SLC9B1: variants seen among roughly 807,000 people sequenced by gnomAD.
The protein encoded by SLC9B1 is sodium/hydrogen exchanger 9B1.
A neutral mutation model predicts 51.7 loss-of-function variants in SLC9B1; 32 were observed. The observed-to-expected ratio is 0.62, with a 90% CI of 0.47 to 0.83. The LOEUF is 0.83. SLC9B1 is among the 40% of genes least tolerant of loss of function. The pLI, the probability that SLC9B1 is intolerant of heterozygous loss-of-function variation, is 0.00. For synonymous variants in SLC9B1, 145 were observed against 212.7 expected (o/e 0.68, Z 2.77); for missense variants, 406 against 613.2 (o/e 0.66, Z 3.57).
intron 6 of SLC9B1, among the ~76,000 whole-genome samples, chr4:102,937,906 T>C (rs1466835846): frequency 6.6e-6 from 1 of 152,106 alleles, no homozygotes; most frequent in Non-Finnish European, 1.5e-5. Flanking sequence ...GGACTGTTAA[T>C]GGCCACCACA....
chr4:102,907,767 CTG>C (rs1401422198), intron 9 of SLC9B1, among the ~76,000 whole-genome samples: 1 of 152,092 alleles, frequency 6.6e-6, no homozygotes, highest in African/African-American at 2.4e-5. Flanking sequence ...TCCCTTATGA[CTG>C]TGTTTTCTGA....
At chr4:102,906,719 CCT>C (rs1491354352) in intron 9 of SLC9B1, 75 bp from the exon 10 acceptor site, 1,143 of 874,798 alleles carry the variant, frequency 1.3e-3, no homozygotes, top group East Asian at 1.5e-3. Flanking sequence ...TCTTCCCCCC[CCT>C]TTTTTTTTTC....
chr4:103,015,419 T>C (rs770298848), intron 1 of SLC9B1, among the ~76,000 whole-genome samples: 6 of 152,126 alleles, frequency 3.9e-5, no homozygotes, highest in Non-Finnish European at 7.3e-5. Flanking sequence ...TCAAGATATC[T>C]GGGCTCAAAT....
intron 7 of SLC9B1, among the ~76,000 whole-genome samples, chr4:102,919,561 A>G (rs1469153048): frequency 1.3e-5 from 2 of 151,810 alleles, no homozygotes; most frequent in African/African-American, 4.8e-5. Flanking sequence ...CTGGTTGGAG[A>G]GTGGGTGCAG....
chr4:103,004,606 A>G (rs1047973929), intron 1 of SLC9B1, among the ~76,000 whole-genome samples: 1 of 152,206 alleles, frequency 6.6e-6, no homozygotes, highest in Admixed American at 6.5e-5. Flanking sequence ...ACTATACACA[A>G]TGACCATCCC....
intron 1 of SLC9B1, among the ~76,000 whole-genome samples, chr4:103,012,147 T>C (rs936582516): frequency 2.6e-5 from 4 of 152,230 alleles, no homozygotes; most frequent in Non-Finnish European, 5.9e-5. Context: ...TCCAGTATCA[T>C]AAACAGTCAA....
At chr4:102,892,685 C>G (rs1378489558) in intron 11 of SLC9B1, 1 of 152,132 alleles carries the variant, frequency 6.6e-6, no homozygotes, top group Non-Finnish European at 1.5e-5. Context: ...TAACACATTT[C>G]TGATCTCTAT....
At chr4:103,006,965 G>A (rs151337194) in intron 1 of SLC9B1, among the ~76,000 whole-genome samples, 86 of 152,276 alleles carry the variant, frequency 5.6e-4, no homozygotes, top group African/African-American at 2.0e-3. Flanking sequence ...AAATAGGCAT[G>A]AAGGAATATA....
At chr4:102,921,322 G>A (rs1431210845) in intron 7 of SLC9B1, among the ~76,000 whole-genome samples, 3 of 152,170 alleles carry the variant, frequency 2.0e-5, no homozygotes, top group Admixed American at 6.5e-5. Flanking sequence ...AGCTTCATAA[G>A]TGAAGGAGAA....
intron 3 of SLC9B1, among the ~76,000 whole-genome samples, chr4:102,978,797 G>A (rs76231327): frequency 0.15 from 22,903 of 152,028 alleles, 2,170 homozygotes; most frequent in East Asian, 0.21. Context: ...CATTTGACCC[G>A]GCAATCCCAT....
intron 3 of SLC9B1, among the ~76,000 whole-genome samples, chr4:102,975,058 T>C (rs1738980473): frequency 6.6e-6 from 1 of 152,200 alleles, no homozygotes; most frequent in Non-Finnish European, 1.5e-5. Context: ...GTTGGAATAT[T>C]GGCATGATCA....
At chr4:102,938,135 C>G (rs7676943) in intron 6 of SLC9B1, among the ~76,000 whole-genome samples, 83,217 of 151,994 alleles carry the variant, frequency 0.55, 23,357 homozygotes, top group African/African-American at 0.68. Context: ...AGACCCAGCT[C>G]ATATGCAACG....
intron 11 of SLC9B1, among the ~76,000 whole-genome samples, chr4:102,904,703 C>G (rs977567786): frequency 1.3e-5 from 2 of 151,468 alleles, no homozygotes; most frequent in African/African-American, 4.9e-5. Flanking sequence ...AAAAAAAGAC[C>G]AGGCGCAGTG....
chr4:102,991,936 A>G (rs545471513), intron 1 of SLC9B1, among the ~76,000 whole-genome samples: 48 of 152,156 alleles, frequency 3.2e-4, no homozygotes, highest in Non-Finnish European at 5.6e-4. Context: ...ATCATACAGA[A>G]ATGTAATATT....
intron 3 of SLC9B1, among the ~76,000 whole-genome samples, chr4:102,959,007 G>A (rs1737946782): frequency 6.6e-6 from 1 of 151,452 alleles, no homozygotes; most frequent in African/African-American, 2.4e-5. Context: ...TGTAAGAAAA[G>A]AAAAACAAAA....
At chr4:102,991,856 C>T (rs1560523460) in intron 1 of SLC9B1, 144 bp from the exon 2 acceptor site, 1 of 530,620 alleles carries the variant, frequency 1.9e-6, no homozygotes, top group Non-Finnish European at 3.3e-6. Context: ...TCTTTATAGT[C>T]AACATAGATC....
intron 6 of SLC9B1, among the ~76,000 whole-genome samples, chr4:102,942,892 C>T (rs1476848650): frequency 1.3e-5 from 2 of 152,040 alleles, no homozygotes; most frequent in Non-Finnish European, 1.5e-5. Context: ...AAAAAGACAA[C>T]CTATAGAGTG....
Position 102,991,703 on chromosome 4 carries a change from G to A in SLC9B1, c.9C>T (p.Thr3=). 3 of 1,577,618 alleles carry A rather than the reference G, an allele frequency of 1.9e-6. No individual in the cohort carries two copies. The highest frequency in any genetic ancestry group is 1.7e-6 in the Non-Finnish European group (2 of 1,159,620). MH[T]TESKNEHLED... is the part of the protein sequence containing the mutation. ...CCAAATGTTCATTTTTTGATTCTGT[G>A]GTATGCATGCTAAGATTTAAAAGAA... is the stretch of plus-strand genomic sequence containing the variant. The change falls in exon 2 of 12, where the codon ACC becomes ACT. Residue 3 remains threonine, a synonymous_variant. Coordinates refer to ENST00000296422, the MANE Select transcript of SLC9B1 (RefSeq NM_139173.4).
At chr4:102,968,087 T>C (rs2110495451) in intron 3 of SLC9B1, among the ~76,000 whole-genome samples, 1 of 152,370 alleles carries the variant, frequency 6.6e-6, no homozygotes, top group South Asian at 2.1e-4. Context: ...TACTTAATAC[T>C]GTCTTATTTG....
Sources: allele counts gnomAD v4.1 joint callset (sites outside exome capture counted in the v4.1 genomes callset), GRCh38; gene constraint gnomAD v4.1.1; transcripts MANE v1.5; gene names NCBI Gene and HGNC (gene_info 2026-07-23, HGNC 2026-07-21).